Variants in NALF1 observed in about 807,000 individuals in gnomAD.
The protein encoded by NALF1 is NALCN channel auxiliary factor 1.
Under a neutral mutation model 48.4 loss-of-function variants are expected in NALF1, and 3 were observed. The ratio of observed to expected loss-of-function variants is 0.06; its 90% CI spans 0.03 to 0.16. NALF1 has a LOEUF of 0.16. Among genes scored for constraint, NALF1 ranks in the 10% least tolerant of loss-of-function variants. The pLI, the probability that NALF1 is intolerant of heterozygous loss-of-function variation, is 1.00. For missense variants in NALF1, 526 were observed against 571.5 expected (o/e 0.92, Z 0.81); for synonymous variants, 262 against 245.7 (o/e 1.07, Z -0.62).
chr13:107,790,018 G>T (rs1049601467), intron 1 of NALF1, among the ~76,000 whole-genome samples: 12 of 152,156 alleles, frequency 7.9e-5, no homozygotes, highest in African/African-American at 1.9e-4. Flanking sequence ...AATAGTGCAG[G>T]TTTACAGTGC....
chr13:107,829,257 A>G (rs1879633502), intron 1 of NALF1, among the ~76,000 whole-genome samples: 1 of 152,210 alleles, frequency 6.6e-6, no homozygotes. Flanking sequence ...TTTGTTCTAC[A>G]CTATACCTAG....
At chr13:107,836,329 TAA>T (rs1020632928) in intron 1 of NALF1, among the ~76,000 whole-genome samples, 2 of 152,208 alleles carry the variant, frequency 1.3e-5, no homozygotes, top group Non-Finnish European at 2.9e-5. Flanking sequence ...TGATTTTATA[TAA>T]GTTTTAGGAA....
intron 1 of NALF1, among the ~76,000 whole-genome samples, chr13:107,264,029 T>A (rs1880989521): frequency 6.6e-6 from 1 of 152,196 alleles, no homozygotes; most frequent in African/African-American, 2.4e-5. Context: ...AAAGAGTACA[T>A]CTGGTAGATT....
chr13:107,817,066 G>A (rs1002809759), intron 1 of NALF1, among the ~76,000 whole-genome samples: 1 of 152,182 alleles, frequency 6.6e-6, no homozygotes, highest in Non-Finnish European at 1.5e-5. Context: ...AAGTGAGTGT[G>A]AGGGAAAGAG....
intron 1 of NALF1, among the ~76,000 whole-genome samples, chr13:107,840,600 C>G (rs557840801): frequency 1.3e-5 from 2 of 152,192 alleles, no homozygotes; most frequent in Admixed American, 6.5e-5. Context: ...ATTCAGTGTA[C>G]TTGGTCTCAC....
At chr13:107,306,082 T>C (rs9514653) in intron 1 of NALF1, among the ~76,000 whole-genome samples, 39,061 of 152,098 alleles carry the variant, frequency 0.26, 5,351 homozygotes, top group Non-Finnish European at 0.28. Context: ...AAAAACGCAT[T>C]AGTTCCATTC....
chr13:107,548,815 C>CGT (rs145453348), intron 1 of NALF1, among the ~76,000 whole-genome samples: 9 of 151,172 alleles, frequency 6.0e-5, no homozygotes, highest in African/African-American at 1.2e-4. Flanking sequence ...TACACACACA[C>CGT]GTGTGTGTGT....
intron 1 of NALF1, among the ~76,000 whole-genome samples, chr13:107,433,712 A>C (rs753951745): frequency 3.3e-5 from 5 of 152,204 alleles, no homozygotes; most frequent in Admixed American, 6.5e-5. Context: ...TCGTGATAGA[A>C]GCACCATCAT....
intron 1 of NALF1, among the ~76,000 whole-genome samples, chr13:107,780,897 G>C (rs781282450): frequency 6.6e-6 from 1 of 152,096 alleles, no homozygotes; most frequent in East Asian, 1.9e-4. Context: ...AAAAATCTGA[G>C]CTCTTGAAAA....
chr13:107,555,651 C>T (rs575409474), intron 1 of NALF1, among the ~76,000 whole-genome samples: 3 of 151,918 alleles, frequency 2.0e-5, no homozygotes, highest in South Asian at 4.2e-4. Context: ...TCTTTAGAAA[C>T]CCAAATTCAC....
At position 107,865,757 on chromosome 13, in the gene NALF1, T is replaced by C; in HGVS notation, c.840A>G (p.Glu280=). The C allele has an allele frequency of 6.2e-7, 1 of 1,614,020 alleles. No homozygotes were observed. ...DYDHHAQEKY[E]EFESVLHKYL... Reference sequence around the variant, plus strand: ...ATTTGTGGAGCACGCTTTCAAACTCTTCGTATTTCTCCTGAGCATGGTGGT... The same window carrying C: ...ATTTGTGGAGCACGCTTTCAAACTCCTCGTATTTCTCCTGAGCATGGTGGT... Residue 280 remains glutamate (E), a synonymous_variant, in exon 1 of 3, where the codon GAA becomes GAG. Coordinates refer to ENST00000375915, the MANE Select transcript of NALF1 (RefSeq NM_001080396.3).
intron 1 of NALF1, among the ~76,000 whole-genome samples, chr13:107,606,509 G>A (rs1296559553): frequency 3.3e-5 from 5 of 151,948 alleles, no homozygotes; most frequent in Non-Finnish European, 7.4e-5. Flanking sequence ...GGGATTACAG[G>A]TGCCAGCCAC....
chr13:107,621,191 A>T (rs1879508407), intron 1 of NALF1, among the ~76,000 whole-genome samples: 1 of 152,308 alleles, frequency 6.6e-6, no homozygotes, highest in African/African-American at 2.4e-5. Context: ...CCCATCCTAA[A>T]TTACAGTGTT....
At chr13:107,786,225 T>C (rs922053645) in intron 1 of NALF1, among the ~76,000 whole-genome samples, 6 of 151,804 alleles carry the variant, frequency 4.0e-5, no homozygotes, top group Admixed American at 3.9e-4. Context: ...GAGACTGGTC[T>C]GACCAACATG....
At chr13:107,625,414 A>G (rs1879642761) in intron 1 of NALF1, among the ~76,000 whole-genome samples, 1 of 152,110 alleles carries the variant, frequency 6.6e-6, no homozygotes, top group Non-Finnish European at 1.5e-5. Flanking sequence ...TAAACTATTT[A>G]ATGTAGATGT....
At chr13:107,689,750 G>A (rs1881523854) in intron 1 of NALF1, among the ~76,000 whole-genome samples, 1 of 152,302 alleles carries the variant, frequency 6.6e-6, no homozygotes, top group South Asian at 2.1e-4. Flanking sequence ...TTCTTGGTAT[G>A]TGTAAGTGAA....
At chr13:107,465,928 T>C (rs938834440) in intron 1 of NALF1, 3 of 152,474 alleles carry the variant, frequency 2.0e-5, no homozygotes, top group Non-Finnish European at 2.9e-5. Context: ...TCCACTTTCA[T>C]GACTGTATTA....
intron 1 of NALF1, among the ~76,000 whole-genome samples, chr13:107,731,322 T>C (rs1335249559): frequency 2.6e-5 from 4 of 152,218 alleles, no homozygotes; most frequent in Non-Finnish European, 5.9e-5. Flanking sequence ...CTTTTATATA[T>C]ATGTTCATTC....
chr13:107,664,622 C>A (rs1233130046), intron 1 of NALF1, among the ~76,000 whole-genome samples: 1 of 152,190 alleles, frequency 6.6e-6, no homozygotes, highest in African/African-American at 2.4e-5. Flanking sequence ...CTCTCCTATT[C>A]TACTCATCTC....
Sources: allele counts gnomAD v4.1 joint callset (sites outside exome capture counted in the v4.1 genomes callset), GRCh38; gene constraint gnomAD v4.1.1; transcripts MANE v1.5; gene names NCBI Gene and HGNC (gene_info 2026-07-23, HGNC 2026-07-21).